The following PRKCI variants were observed in gnomAD, a reference collection of about 807,000 sequenced individuals.
PRKCI encodes the protein protein kinase C iota type.
PRKCI carries 43 observed loss-of-function variants against 84.0 expected under a neutral mutation model. The observed-to-expected ratio is 0.51, with a 90% confidence interval of 0.40 to 0.66. PRKCI has a LOEUF of 0.66. Ranked by LOEUF, PRKCI falls within the 30% of genes least tolerant of loss-of-function variation. The pLI, the probability that PRKCI is intolerant of heterozygous loss-of-function variation, is 0.00. For missense variants in PRKCI, 459 were observed against 745.6 expected, an observed-to-expected ratio of 0.62 and a Z score of 4.48; for synonymous variants, 216 against 234.4, an observed-to-expected ratio of 0.92 and a Z score of 0.72.
chr3:170,256,810 T>C (rs1418087381), intron 2 of PRKCI, among the ~76,000 whole-genome samples: 2 of 152,198 alleles, frequency 1.3e-5, no homozygotes, highest in Non-Finnish European at 2.9e-5. Context: ...TATTGCTTGC[T>C]ATAAACTCAC....
chr3:170,269,314 C>T (rs903683463), intron 5 of PRKCI, among the ~76,000 whole-genome samples: 13 of 152,126 alleles, frequency 8.5e-5, no homozygotes, highest in Non-Finnish European at 1.8e-4. Context: ...AAATAGAAAC[C>T]ACCACCCGAA....
At chr3:170,256,804 G>C (rs1179246015) in intron 2 of PRKCI, among the ~76,000 whole-genome samples, 1 of 151,956 alleles carries the variant, frequency 6.6e-6, no homozygotes, top group African/African-American at 2.4e-5. Context: ...GGCACTTATT[G>C]CTTGCTATAA....
rs1734950953 is a variant in PRKCI, at chr3:170,305,946, T to G, written c.*2819T>G. ...TGTACCTTTTTTTTTTTTTTTTACT[T>G]TGAAGTCTTTAAATAAAATGTATAA... is the stretch of plus-strand genomic sequence containing the variant. On this transcript the variant is annotated 3_prime_UTR_variant, in exon 18 of 18. Transcript: ENST00000295797. 6.6e-6 allele frequency: 1 copy of G among 152,000 alleles called. No individual in the cohort carries two copies. Among genetic ancestry groups the G allele is most frequent in the Non-Finnish European group, 1.5e-5 (1 of 68,004 alleles). 9.4% of individuals were successfully genotyped at this position (152,000 alleles called of 1,614,324 possible).
intron 2 of PRKCI, among the ~76,000 whole-genome samples, chr3:170,258,707 A>G (rs1170954192): frequency 1.3e-5 from 2 of 152,030 alleles, no homozygotes; most frequent in Admixed American, 6.6e-5. Flanking sequence ...TGTTTTTTCC[A>G]TCACTTCTGT....
intron 2 of PRKCI, among the ~76,000 whole-genome samples, chr3:170,242,615 A>G (rs765137495): frequency 3.4e-4 from 51 of 151,976 alleles, no homozygotes; most frequent in Non-Finnish European, 6.3e-4. Flanking sequence ...ATTATTATAC[A>G]TTATTACATT....
Position 170,222,573 on chromosome 3 carries a change from C to A in PRKCI, c.-97C>A, listed in dbSNP as rs1577333657. On this transcript the variant is annotated 5_prime_UTR_variant, in exon 1 of 18. Transcript: ENST00000295797. ...GGGCAGGTAGGTGGGCGGACGGCCGCGGTTCTCCGGCAAGCGCAGGCGGCG... is the reference window on the plus strand; with the variant it reads ...GGGCAGGTAGGTGGGCGGACGGCCGAGGTTCTCCGGCAAGCGCAGGCGGCG... 3 of 1,091,020 alleles carry A rather than the reference C, an allele frequency of 2.7e-6. No individual in the cohort carries two copies. The highest frequency in any genetic ancestry group is 3.1e-5 in the Admixed American group (1 of 32,232). 67.6% of individuals were successfully genotyped at this position (1,091,020 alleles called of 1,614,324 possible).
intron 4 of PRKCI, among the ~76,000 whole-genome samples, chr3:170,264,052 A>G (rs181205687): frequency 1.3e-5 from 2 of 152,138 alleles, no homozygotes; most frequent in African/African-American, 4.8e-5. Context: ...AAACAAGGAT[A>G]CCTATATATC....
At chr3:170,270,348 G>T in intron 5 of PRKCI, 73 bp from the exon 6 acceptor site, 1 of 1,401,584 alleles carries the variant, frequency 7.1e-7, no homozygotes, top group South Asian at 1.7e-5. Flanking sequence ...AAAGGGAATT[G>T]AGTCAGCAAA....
chr3:170,251,808 G>A (rs1260186479), intron 2 of PRKCI, among the ~76,000 whole-genome samples: 1 of 152,054 alleles, frequency 6.6e-6, no homozygotes, highest in Non-Finnish European at 1.5e-5. Context: ...TACTCAGGAG[G>A]CTGAGGCAGA....
At chr3:170,294,478 A>G (rs1396627512) in intron 14 of PRKCI, among the ~76,000 whole-genome samples, 1 of 152,238 alleles carries the variant, frequency 6.6e-6, no homozygotes, top group African/African-American at 2.4e-5. Flanking sequence ...ATGAGTTACC[A>G]TTTCATATCG....
In PRKCI at chr3:170,265,352, G is replaced by A. The variant is rs115005697; in HGVS notation, c.364+1923G>A. Among the ~76,000 whole-genome samples, 371 of 152,228 alleles carry A rather than the reference G, an allele frequency of 2.4e-3. 1 individual carries two copies. Among genetic ancestry groups the A allele is most frequent in the African/African-American group, 8.6e-3 (357 of 41,546 alleles). On this transcript the variant is annotated intron_variant, in intron 4 of 17. Transcript: ENST00000295797. ...CTTCCCCAGGTCAGGAATTGTTAAC[G>A]GAATTTCTTTGGAATATCTAAGCCA...
intron 8 of PRKCI, among the ~76,000 whole-genome samples, chr3:170,277,157 G>A (rs958130823): frequency 4.0e-5 from 6 of 151,142 alleles, no homozygotes; most frequent in Non-Finnish European, 8.8e-5. Flanking sequence ...GTTGAGGCAC[G>A]AAAATCATTG....
intron 1 of PRKCI, among the ~76,000 whole-genome samples, chr3:170,223,243 T>C (rs1732541889): frequency 6.6e-6 from 1 of 152,188 alleles, no homozygotes; most frequent in African/African-American, 2.4e-5. Flanking sequence ...TTCTCTGAGA[T>C]ATACCTCCAT....
At chr3:170,224,002 G>A (rs1226300891) in intron 1 of PRKCI, among the ~76,000 whole-genome samples, 4 of 151,610 alleles carry the variant, frequency 2.6e-5, no homozygotes, top group Non-Finnish European at 5.9e-5. Flanking sequence ...GTGCCATACT[G>A]GTGTGCTGCA....
intron 2 of PRKCI, among the ~76,000 whole-genome samples, chr3:170,237,405 G>A (rs73879189): frequency 3.2e-3 from 487 of 152,194 alleles, no homozygotes; most frequent in Middle Eastern, 0.02. Context: ...GGGGGTGAGG[G>A]ATAAAGGCCT....
At chr3:170,250,438 C>CA (rs1560171691) in intron 2 of PRKCI, among the ~76,000 whole-genome samples, 1 of 102,630 alleles carries the variant, frequency 9.7e-6, no homozygotes, top group East Asian at 3.7e-4. Flanking sequence ...ACCAACCCCC[C>CA]CCCCCCAAAA....
chr3:170,301,343 A>G (rs1734812704), intron 17 of PRKCI, among the ~76,000 whole-genome samples: 1 of 152,224 alleles, frequency 6.6e-6, no homozygotes, highest in African/African-American at 2.4e-5. Flanking sequence ...GCTGTGAAGA[A>G]TAAATGCATG....
At chr3:170,261,864 T>C (rs902474268) in intron 3 of PRKCI, among the ~76,000 whole-genome samples, 2 of 152,222 alleles carry the variant, frequency 1.3e-5, no homozygotes, top group Admixed American at 6.6e-5. Context: ...CTAAAAGAGC[T>C]TTAAGAGTCT....
At chr3:170,268,370 C>T (rs1733915580) in intron 5 of PRKCI, among the ~76,000 whole-genome samples, 3 of 151,720 alleles carry the variant, frequency 2.0e-5, no homozygotes, top group African/African-American at 7.3e-5. Flanking sequence ...GTCCCAGCTA[C>T]TCGGGAGGCT....
Sources: gnomAD v4.1 joint callset for allele counts (sites outside exome capture counted in the v4.1 genomes callset) on GRCh38, gnomAD v4.1.1 for gene constraint, MANE v1.5 for transcripts, NCBI Gene and HGNC (gene_info 2026-07-23, HGNC 2026-07-21) for gene names.